Variants in DYRK1A observed in about 807,000 individuals in gnomAD.
DYRK1A encodes dual specificity tyrosine phosphorylation regulated kinase 1A.
Under a neutral mutation model 79.7 loss-of-function variants are expected in DYRK1A, and 9 were observed. The observed-to-expected ratio is 0.11, with a 90% CI of 0.07 to 0.20. DYRK1A has a LOEUF of 0.20. Among genes scored for constraint, DYRK1A ranks in the 10% least tolerant of loss-of-function variants. The pLI is 1.00. For missense variants in DYRK1A, 622 were observed against 956.0 expected (o/e 0.65, Z 4.61); for synonymous variants, 349 against 329.7 (o/e 1.06, Z -0.63).
intron 2 of DYRK1A, among the ~76,000 whole-genome samples, chr21:37,446,635 C>T (rs28702969): frequency 1.2e-4 from 18 of 151,096 alleles, no homozygotes; most frequent in Non-Finnish European, 2.7e-4. Flanking sequence ...TGTGCTCACA[C>T]GTGTTACCTC....
At chr21:37,496,404 G>A in intron 9 of DYRK1A, 146 bp downstream of exon 9, 1 of 815,568 alleles carries the variant, frequency 1.2e-6, no homozygotes, top group African/African-American at 1.7e-5. Flanking sequence ...TTGTTCAGAA[G>A]TTGAGTATAG....
At chr21:37,392,711 A>AC (rs544416699) in intron 1 of DYRK1A, among the ~76,000 whole-genome samples, 3 of 152,222 alleles carry the variant, frequency 2.0e-5, no homozygotes, top group Non-Finnish European at 4.4e-5. Context: ...TCTGTGGGGA[A>AC]CACCAGTATT....
intron 11 of DYRK1A, 88 bp from the exon 12 acceptor site, chr21:37,511,823 C>T (rs2053756839): frequency 4.9e-6 from 7 of 1,423,354 alleles, no homozygotes; most frequent in Non-Finnish European, 6.7e-6. Context: ...TAATATGATG[C>T]TAGTTTGTTA....
chr21:37,409,659 A>C (rs2050208464), intron 1 of DYRK1A, among the ~76,000 whole-genome samples: 1 of 152,212 alleles, frequency 6.6e-6, no homozygotes, highest in African/African-American at 2.4e-5. Flanking sequence ...TATTTATAAA[A>C]ATTGCGATAC....
Position 37,505,411 on chromosome 21 carries a change from T to C in DYRK1A, c.1341T>C (p.Ile447=), listed in dbSNP as rs763854430. 3 of 1,614,054 alleles carry C rather than the reference T, an allele frequency of 1.9e-6. No individual in the cohort carries two copies. In the African/African-American group the frequency reaches 4.0e-5, roughly 22 times the overall value. Residue 447 remains isoleucine (I), a synonymous_variant, in exon 10 of 12, where the codon ATT becomes ATC. Coordinates refer to ENST00000647188, the MANE Select transcript of DYRK1A (RefSeq NM_001347721.2). ...VADYLKFKDL[I]LRMLDYDPKT... ...ACTACTTGAAGTTCAAAGACCTCAT[T>C]TTAAGGATGCTTGATTATGACCCCA...
intron 4 of DYRK1A, among the ~76,000 whole-genome samples, chr21:37,479,713 C>T (rs536139005): frequency 1.6e-4 from 24 of 148,810 alleles, no homozygotes; most frequent in African/African-American, 2.7e-4. Flanking sequence ...CCGCAACCTC[C>T]GCCTCCCAGG....
In DYRK1A at chr21:37,454,444, A is replaced by C. The variant is rs954501596; in HGVS notation, c.11-18240A>C. 1.1e-4 allele frequency among the ~76,000 whole-genome samples: 17 copies of C among 152,264 alleles called. No individual in the cohort carries two copies. In the South Asian group the frequency reaches 3.3e-3, roughly 30 times the overall value. On this transcript the variant is annotated intron_variant, in intron 2 of 11. Coordinates refer to ENST00000647188, the MANE Select transcript of DYRK1A (RefSeq NM_001347721.2). ...ATTTGAGGTTGACACATAGACATGG[A>C]GCAACCTCTGTCAATAGTAGTTTTG...
intron 2 of DYRK1A, among the ~76,000 whole-genome samples, chr21:37,444,248 G>A (rs2051195346): frequency 6.6e-6 from 1 of 152,166 alleles, no homozygotes; most frequent in African/African-American, 2.4e-5. Flanking sequence ...CTGTCTCCCA[G>A]TACCACCTGT....
At chr21:37,444,536 G>T (rs891259748) in intron 2 of DYRK1A, among the ~76,000 whole-genome samples, 2 of 152,210 alleles carry the variant, frequency 1.3e-5, no homozygotes, top group Non-Finnish European at 2.9e-5. Context: ...GGACCTTACT[G>T]TGTGTGGGGA....
At position 37,454,613 on chromosome 21, in the gene DYRK1A, G is replaced by C. The variant is rs892486908; in HGVS notation, c.11-18071G>C. Among the ~76,000 whole-genome samples, 3 of 152,152 alleles carry C rather than the reference G, an allele frequency of 2.0e-5. No individual in the cohort carries two copies. The South Asian group carries it at 6.2e-4, about 32-fold the overall frequency. ...ATCATTTTAAAAAGTATTGTTGTAA[G>C]TGAAAATAATTAATGTACCTATTGG... On this transcript the variant is annotated intron_variant, in intron 2 of 11. Transcript: ENST00000647188.
intron 2 of DYRK1A, among the ~76,000 whole-genome samples, chr21:37,460,126 A>T (rs986833165): frequency 2.6e-5 from 4 of 151,724 alleles, no homozygotes; most frequent in Non-Finnish European, 5.9e-5. Context: ...TTTTTGGTAA[A>T]GTGTTAGTTT....
intron 2 of DYRK1A, among the ~76,000 whole-genome samples, chr21:37,435,113 G>T (rs1354991217): frequency 6.6e-6 from 1 of 152,184 alleles, no homozygotes; most frequent in Non-Finnish European, 1.5e-5. Context: ...TGTTAATTTT[G>T]TTCTAAACGT....
At chr21:37,368,331 C>T (rs186952340) in intron 1 of DYRK1A, among the ~76,000 whole-genome samples, 7 of 152,310 alleles carry the variant, frequency 4.6e-5, no homozygotes, top group Non-Finnish European at 7.4e-5. Flanking sequence ...AAAACTTCAC[C>T]AGTCTATTTA....
chr21:37,488,438 CTT>C, intron 6 of DYRK1A: 1 of 707,060 alleles, frequency 1.4e-6, no homozygotes, highest in Non-Finnish European at 1.7e-6. Flanking sequence ...GTTTTATTGT[CTT>C]GTCTTTGAAC....
At chr21:37,497,082 A>G (rs2053293236) in intron 9 of DYRK1A, among the ~76,000 whole-genome samples, 1 of 152,130 alleles carries the variant, frequency 6.6e-6, no homozygotes, top group South Asian at 2.1e-4. Context: ...CCTTGAGATC[A>G]TAGTTTTGCA....
intron 1 of DYRK1A, among the ~76,000 whole-genome samples, chr21:37,398,602 T>C (rs934313168): frequency 6.6e-6 from 1 of 152,208 alleles, no homozygotes; most frequent in Non-Finnish European, 1.5e-5. Flanking sequence ...ACATAGTTTA[T>C]AAAATACCAA....
rs541762879 is a variant in DYRK1A at position 37,483,202 on chromosome 21, G to A, written c.489+2376G>A. On this transcript the variant is annotated intron_variant, in intron 5 of 11. Coordinates refer to ENST00000647188, the MANE Select transcript of DYRK1A (RefSeq NM_001347721.2). ...TTTAGAGATTGCAGTAAAGACAGGC[G>A]TAAGAAATTATAAAAGTATTAATTT... Among the ~76,000 whole-genome samples, 298 of 152,282 alleles carry A rather than the reference G, an allele frequency of 2.0e-3. 2 individuals are homozygous for A. Among genetic ancestry groups the A allele is most frequent in the East Asian group, 3.9e-3 (20 of 5,190 alleles).
intron 1 of DYRK1A, among the ~76,000 whole-genome samples, chr21:37,370,394 G>C (rs1215247044): frequency 1.3e-5 from 2 of 151,980 alleles, no homozygotes; most frequent in Non-Finnish European, 2.9e-5. Flanking sequence ...AGAAAATGTG[G>C]ATAGAATTAA....
At chr21:37,477,185 G>A (rs1283403880) in intron 3 of DYRK1A, among the ~76,000 whole-genome samples, 1 of 152,118 alleles carries the variant, frequency 6.6e-6, no homozygotes, top group Non-Finnish European at 1.5e-5. Flanking sequence ...CTGTCACTCT[G>A]CCCCTCCGAT....
Sources: gnomAD v4.1 joint callset for allele counts (sites outside exome capture counted in the v4.1 genomes callset) on GRCh38, gnomAD v4.1.1 for gene constraint, MANE v1.5 for transcripts, NCBI Gene and HGNC (gene_info 2026-07-23, HGNC 2026-07-21) for gene names.